The following TAF7L variants were observed in gnomAD, a reference collection of about 807,000 sequenced individuals.
TAF7L encodes TATA-box binding protein associated factor 7 like.
In TAF7L, 6 loss-of-function variants were observed where a neutral mutation model predicts 30.2. The observed-to-expected ratio is 0.20, with a 90% CI of 0.11 to 0.39. The LOEUF (loss-of-function observed/expected upper bound fraction) is 0.39, where lower values mean the gene tolerates loss of function less well. Among genes scored for constraint, TAF7L ranks in the 10% least tolerant of loss-of-function variants. The pLI, the probability that TAF7L is intolerant of heterozygous loss-of-function variation, is 1.00. For missense variants in TAF7L, 284 were observed against 277.1 expected (o/e 1.03, Z -0.18); for synonymous variants, 93 against 94.5 (o/e 0.98, Z 0.09).
intron 7 of TAF7L, 102 bp from the exon 8 acceptor site, chrX:101,278,223 G>A (rs1924288958): frequency 1.7e-6 from 1 of 598,382 alleles, no homozygotes; most frequent in Non-Finnish European, 2.7e-6. Context: ...TCAAATGTTA[G>A]GCCTCTTTAA....
chrX:101,289,599 G>T (rs1218917956), intron 1 of TAF7L, among the ~76,000 whole-genome samples: 2 of 110,826 alleles, frequency 1.8e-5, no homozygotes, highest in Non-Finnish European at 3.8e-5. Context: ...TTTGTTTTGA[G>T]ACAGAGTTTT....
At position 101,275,149 on chromosome X, in the gene TAF7L, A is replaced by ATAATAT. The variant is rs1274858261; in HGVS notation, c.1086+72_1086+73insATATTA. The ATAATAT allele has an allele frequency of 8.8e-5, 68 of 772,286 alleles. No homozygotes were observed. The African/African-American group carries it at 1.1e-3, about 13-fold the overall frequency. 63.6% of individuals were successfully genotyped at this position (772,286 alleles called of 1,213,427 possible). On this transcript the variant is annotated intron_variant, in intron 12 of 12. Transcript: ENST00000356784. Reference sequence around the variant, plus strand: ...ATTCCTATGAGAGGAACAGCCAGCAATGATATTGGAATTGAAGTGGGGGAT... The same window carrying ATAATAT: ...ATTCCTATGAGAGGAACAGCCAGCAATAATATTGATATTGGAATTGAAGTGGGGGAT...
At chrX:101,292,946 G>A (rs905544488), upstream of TAF7L, 5 of 1,208,282 alleles carry the variant, frequency 4.1e-6, no homozygotes, top group African/African-American at 8.8e-5. Flanking sequence ...CGGTCGACAA[G>A]AATTTGGGGT....
chrX:101,285,489 C>G (rs1183042510), intron 3 of TAF7L, among the ~76,000 whole-genome samples: 5 of 80,150 alleles, frequency 6.2e-5, no homozygotes, highest in African/African-American at 2.6e-4. Flanking sequence ...CACAGCAAGA[C>G]TCCATCTCAA....
intron 6 of TAF7L, among the ~76,000 whole-genome samples, chrX:101,279,272 T>TTTCATTCAGCATAATTCA (rs1924320233): frequency 1.8e-5 from 2 of 112,093 alleles, no homozygotes; most frequent in African/African-American, 6.5e-5. Flanking sequence ...CTGCCAAAAT[T>TTTCATTCAGCATAATTCA]CTAGCAAGGT....
At chrX:101,292,235 T>G, upstream of TAF7L, among the ~76,000 whole-genome samples, 3 of 52,262 alleles carry the variant, frequency 5.7e-5, no homozygotes, top group African/African-American at 2.4e-4. Flanking sequence ...CGAGACTCCG[T>G]CTCAAAAAAA....
At chrX:101,279,385 G>C (rs1924324451) in intron 6 of TAF7L, among the ~76,000 whole-genome samples, 2 of 111,821 alleles carry the variant, frequency 1.8e-5, no homozygotes, top group South Asian at 7.4e-4. Flanking sequence ...ACTTTGGGAG[G>C]CCAAGGCGGG....
chrX:101,289,461 T>C (rs1924725403), intron 1 of TAF7L, among the ~76,000 whole-genome samples: 1 of 112,267 alleles, frequency 8.9e-6, no homozygotes, highest in South Asian at 3.7e-4. Flanking sequence ...TTGTTTTCAT[T>C]ATTTGTTTTT....
Position 101,276,037 on chromosome X carries a change from T to G in TAF7L, c.989A>C (p.Lys330Thr), listed in dbSNP as rs1924159174. 1 of 1,202,437 alleles carries G rather than the reference T, an allele frequency of 8.3e-7. No homozygotes were observed. Among genetic ancestry groups the G allele is most frequent in the African/African-American group, 1.8e-5 (1 of 56,804 alleles). ...GTTTTCCACTTTCATGATGAGATCC[T>G]TCTGTCTTTGTGCTTTATTCTGAAT... Reference protein sequence around the residue: ...HKIQNKAQRQKDLIMKVENLT... With the variant: ...HKIQNKAQRQTDLIMKVENLT... The change falls in exon 11 of 13, where the codon AAG (lysine) becomes ACG (threonine). Residue 330 changes from lysine (K) to threonine (T), a missense_variant. Physicochemically the swap from Lys to Thr is moderately conservative, Grantham distance 78. Coordinates refer to ENST00000356784, the MANE Select transcript of TAF7L (RefSeq NM_001168474.2).
intron 9 of TAF7L, among the ~76,000 whole-genome samples, chrX:101,277,159 A>G (rs1868806266): frequency 1.0e-5 from 1 of 96,809 alleles, no homozygotes. Context: ...CTCAAAAAAA[A>G]AAAAAAAAAA....
chrX:101,287,628 A>G, intron 1 of TAF7L, 83 bp from the exon 2 acceptor site: 1 of 698,623 alleles, frequency 1.4e-6, no homozygotes. Flanking sequence ...TTCTGGTAGT[A>G]CTGGCTAAAT....
upstream of TAF7L, chrX:101,291,446 T>TG (rs1304339114): frequency 1.4e-5 from 3 of 216,984 alleles, no homozygotes; most frequent in Non-Finnish European, 2.0e-5. Context: ...TTCGAGGCAG[T>TG]GGCCCGCTCA....
chrX:101,281,664 G>T, intron 6 of TAF7L, 56 bp downstream of exon 6: 2 of 1,073,304 alleles, frequency 1.9e-6, no homozygotes, highest in South Asian at 1.9e-5. Flanking sequence ...CTTTTCTTCT[G>T]GCCCATGATC....
Position 101,283,566 on chromosome X carries a change from C to G in TAF7L, c.163G>C (p.Val55Leu). The change falls in exon 4 of 13, where the codon GTT (valine) becomes CTT (leucine). Residue 55 changes from valine (V) to leucine (L), a missense_variant. Transcript: ENST00000356784. ...IDLLPDGRHAVVEVEDVPLAA... is the reference protein window; with the variant it reads ...IDLLPDGRHALVEVEDVPLAA... ...AGTGGGACATCTTCTACTTCAACAA[C>G]TGCATGGCGCCCATCAGCTGAAGAG... 8.3e-7 allele frequency: 1 copy of G among 1,211,194 alleles called. No homozygotes were observed. The highest frequency in any genetic ancestry group is 1.8e-5 in the South Asian group (1 of 56,727).
intron 6 of TAF7L, among the ~76,000 whole-genome samples, chrX:101,279,922 A>G (rs1270383523): frequency 9.0e-6 from 1 of 111,044 alleles, no homozygotes; most frequent in Non-Finnish European, 1.9e-5. Context: ...CTTTGGCAAG[A>G]AAAGCAAAAA....
chrX:101,278,190 T>G, intron 7 of TAF7L, 69 bp from the exon 8 acceptor site: 3 of 865,408 alleles, frequency 3.5e-6, no homozygotes, highest in African/African-American at 2.0e-5. Flanking sequence ...GTTGCAGGAG[T>G]GCCCTCCTAC....
At chrX:101,282,502 T>C in intron 4 of TAF7L, 49 bp from the exon 5 acceptor site, 2 of 1,189,066 alleles carry the variant, frequency 1.7e-6, no homozygotes, top group Non-Finnish European at 2.3e-6. Flanking sequence ...GAATTTTGGG[T>C]TAGCAATCAT....
chrX:101,275,215 T>G lies in TAF7L; in HGVS notation c.1086+7A>C. ...TTTTCTGGTTAATTTGAAAACATAC[T>G]TCTTACCTTCTCATTTTTTTGTTTT... On this transcript the variant is annotated splice_region_variant and intron_variant, in intron 12 of 12. Coordinates refer to ENST00000356784, the MANE Select transcript of TAF7L (RefSeq NM_001168474.2). 2 of 1,166,924 alleles carry G rather than the reference T, an allele frequency of 1.7e-6. No homozygotes were observed. The highest frequency in any genetic ancestry group is 2.3e-6 in the Non-Finnish European group (2 of 861,524).
Position 101,268,609 on chromosome X carries a change from T to A in TAF7L, c.*584A>T, listed in dbSNP as rs953074936. ...CAATCTAGTATTAACTGCTGCAAGG[T>A]AGGCACTTAAACTCACTATGGCAGG... is the stretch of plus-strand genomic sequence containing the variant. On this transcript the variant is annotated 3_prime_UTR_variant, in exon 13 of 13. Coordinates refer to ENST00000356784, the MANE Select transcript of TAF7L (RefSeq NM_001168474.2). The A allele has an allele frequency of 2.7e-5, 3 of 111,949 alleles. No homozygotes were observed. Among genetic ancestry groups the A allele is most frequent in the African/African-American group, 9.7e-5 (3 of 30,837 alleles). 9.2% of individuals were successfully genotyped at this position (111,949 alleles called of 1,213,427 possible). A position where few individuals can be genotyped will look rare whatever the true frequency, so the allele number is the denominator to read the frequency against.
Sources: gnomAD v4.1 joint callset for allele counts (sites outside exome capture counted in the v4.1 genomes callset) on GRCh38, gnomAD v4.1.1 for gene constraint, MANE v1.5 for transcripts, NCBI Gene and HGNC (gene_info 2026-07-23, HGNC 2026-07-21) for gene names.